ZDHHC21: variants seen among roughly 807,000 people sequenced by gnomAD.
ZDHHC21 encodes the protein zDHHC palmitoyltransferase 21.
In ZDHHC21, 15 loss-of-function variants were observed where a neutral mutation model predicts 34.6. The ratio of observed to expected loss-of-function variants is 0.43; its 90% confidence interval spans 0.29 to 0.67. The LOEUF is 0.67. Ranked by LOEUF, ZDHHC21 falls within the 30% of genes least tolerant of loss-of-function variation. The pLI is 0.14. For synonymous variants in ZDHHC21, 142 were observed against 101.8 expected, an observed-to-expected ratio of 1.40 and a Z score of -2.38; for missense variants, 344 against 327.7, an observed-to-expected ratio of 1.05 and a Z score of -0.38.
chr9:14,618,999 C>G lies in ZDHHC21; in HGVS notation c.765G>C (p.Leu255=). The part of the protein sequence containing the change: ...WFIPFRQRQP[L]RVPYHFANHV ...GATTGGCAAAGTGGTAGGGAACTCG[C>G]AGTGGTTGCCTCTGCCTGAAAGGAA... is the stretch of plus-strand genomic sequence containing the variant. The change falls in exon 10 of 10, where the codon CTG becomes CTC. Residue 255 remains leucine, a synonymous_variant. Coordinates refer to ENST00000380916, the MANE Select transcript of ZDHHC21 (RefSeq NM_178566.6). 6.2e-7 allele frequency: 1 copy of G among 1,611,404 alleles called. No homozygotes were observed. Among genetic ancestry groups the G allele is most frequent in the Non-Finnish European group, 8.5e-7 (1 of 1,178,574 alleles).
intron 2 of ZDHHC21, among the ~76,000 whole-genome samples, chr9:14,686,495 A>C (rs887674931): frequency 2.0e-5 from 3 of 152,222 alleles, no homozygotes; most frequent in African/African-American, 7.2e-5. Context: ...AAATTATTAC[A>C]TTTCTTTTCC....
the ZDHHC21 span, among the ~76,000 whole-genome samples, chr9:14,605,638 T>A: frequency 6.6e-6 from 1 of 152,242 alleles, no homozygotes; most frequent in African/African-American, 2.4e-5. Context: ...TTCGATAGAC[T>A]GCCATTTGAT....
intron 8 of ZDHHC21, among the ~76,000 whole-genome samples, chr9:14,638,403 T>G (rs184683065): frequency 7.4e-4 from 112 of 152,108 alleles, no homozygotes; most frequent in Middle Eastern, 6.8e-3. Context: ...TCAAGATGTA[T>G]TAAAGACTTA....
chr9:14,600,141 G>A, the ZDHHC21 span, among the ~76,000 whole-genome samples: 2 of 152,132 alleles, frequency 1.3e-5, no homozygotes, highest in African/African-American at 2.4e-5. Context: ...ACATAGTATT[G>A]GAAGTTCTAG....
At chr9:14,622,075 A>G (rs115890732) in intron 8 of ZDHHC21, among the ~76,000 whole-genome samples, 1 of 152,088 alleles carries the variant, frequency 6.6e-6, no homozygotes, top group East Asian at 1.9e-4. Context: ...ATGATAACAA[A>G]CAAGTTTTTA....
intron 8 of ZDHHC21, among the ~76,000 whole-genome samples, chr9:14,622,923 G>A (rs1188110678): frequency 2.6e-5 from 4 of 151,968 alleles, no homozygotes; most frequent in South Asian, 4.1e-4. Flanking sequence ...TATTATTATA[G>A]GTCTTGTTGA....
intron 9 of ZDHHC21, 54 bp from the exon 10 acceptor site, chr9:14,619,152 T>G (rs956069413): frequency 6.5e-7 from 1 of 1,546,718 alleles, no homozygotes; most frequent in African/African-American, 1.4e-5. Context: ...TGCACTTCAG[T>G]CAGCTAAAAC....
the ZDHHC21 span, among the ~76,000 whole-genome samples, chr9:14,591,276 G>GT: frequency 6.6e-6 from 1 of 151,966 alleles, no homozygotes; most frequent in Non-Finnish European, 1.5e-5. Flanking sequence ...ATTAAGAGGC[G>GT]TGACCTTTAG....
At chr9:14,624,889 G>A (rs1362670463) in intron 8 of ZDHHC21, among the ~76,000 whole-genome samples, 1 of 151,952 alleles carries the variant, frequency 6.6e-6, no homozygotes, top group Non-Finnish European at 1.5e-5. Context: ...TACAAATATT[G>A]AAGCATCACA....
At chr9:14,669,596 A>T (rs991794199) in intron 5 of ZDHHC21, among the ~76,000 whole-genome samples, 3 of 146,528 alleles carry the variant, frequency 2.0e-5, no homozygotes, top group African/African-American at 5.0e-5. Flanking sequence ...AAAGACTTGG[A>T]ACCAACCCAA....
At chr9:14,590,133 A>T in the ZDHHC21 span, 1 of 152,212 alleles carries the variant, frequency 6.6e-6, no homozygotes, top group Non-Finnish European at 1.5e-5. Context: ...TCTGGAGATG[A>T]AAAATACAAT....
chr9:14,610,814 C>T (rs1270696936), downstream of ZDHHC21, among the ~76,000 whole-genome samples: 1 of 152,080 alleles, frequency 6.6e-6, no homozygotes, highest in Non-Finnish European at 1.5e-5. Context: ...CAGCCATCTG[C>T]GTCATCTCTA....
chr9:14,652,099 A>G (rs1182454327), intron 7 of ZDHHC21, among the ~76,000 whole-genome samples: 1 of 151,996 alleles, frequency 6.6e-6, no homozygotes, highest in Non-Finnish European at 1.5e-5. Context: ...AAAGTTTATA[A>G]TCTTTATTGA....
chr9:14,596,033 T>A, the ZDHHC21 span, among the ~76,000 whole-genome samples: 1 of 152,174 alleles, frequency 6.6e-6, no homozygotes, highest in Non-Finnish European at 1.5e-5. Context: ...AAATCAAACA[T>A]AAACCTACCA....
At chr9:14,668,696 C>T (rs1165811169) in intron 5 of ZDHHC21, among the ~76,000 whole-genome samples, 2 of 141,832 alleles carry the variant, frequency 1.4e-5, no homozygotes, top group African/African-American at 5.2e-5. Flanking sequence ...GAAATAATGC[C>T]GCATAACTAC....
At chr9:14,627,108 G>A (rs190867472) in intron 8 of ZDHHC21, among the ~76,000 whole-genome samples, 2 of 152,104 alleles carry the variant, frequency 1.3e-5, no homozygotes, top group East Asian at 1.9e-4. Flanking sequence ...AAATAATTTG[G>A]CAGAATACTA....
chr9:14,597,341 TG>T, the ZDHHC21 span, among the ~76,000 whole-genome samples: 9 of 152,100 alleles, frequency 5.9e-5, no homozygotes, highest in East Asian at 1.7e-3. Context: ...CTCAGCAGTG[TG>T]GCTGGGTATC....
Position 14,693,340 on chromosome 9 carries a change from G to A in ZDHHC21, c.-336C>T, listed in dbSNP as rs372614817. The A allele has an allele frequency of 3.0e-4, 124 of 411,600 alleles. No individual in the cohort carries two copies. Among genetic ancestry groups the A allele is most frequent in the African/African-American group, 2.0e-3 (93 of 45,706 alleles). The allele number at this position is 411,600 out of a possible 1,614,324, so 25.5% of individuals were successfully genotyped here. On this transcript the variant is annotated 5_prime_UTR_variant, in exon 1 of 10. Transcript: ENST00000380916. ...CCTCCGGCGCCGCCGCCCAGGCCGG[G>A]CCGCTCTCCCCTTCCGCTTCCGGGA... is the stretch of plus-strand genomic sequence containing the variant.
At chr9:14,684,202 G>C (rs1421982906) in intron 2 of ZDHHC21, among the ~76,000 whole-genome samples, 2 of 150,868 alleles carry the variant, frequency 1.3e-5, no homozygotes, top group African/African-American at 4.9e-5. Flanking sequence ...TTCTGGCCAG[G>C]GCAATTAGGC....
Sources: gnomAD v4.1 joint callset for allele counts (sites outside exome capture counted in the v4.1 genomes callset) on GRCh38, gnomAD v4.1.1 for gene constraint, MANE v1.5 for transcripts, NCBI Gene and HGNC (gene_info 2026-07-23, HGNC 2026-07-21) for gene names.